CFAP52: variants seen among roughly 807,000 people sequenced by gnomAD.
CFAP52 encodes cilia and flagella associated protein 52.
Under a neutral mutation model 70.5 loss-of-function variants are expected in CFAP52, and 57 were observed. The observed-to-expected ratio is 0.81, with a 90% CI of 0.65 to 1.01. CFAP52 has a LOEUF of 1.01. Among genes scored for constraint, CFAP52 ranks in the 50% least tolerant of loss-of-function variants. CFAP52 has a pLI of 0.00. For missense variants in CFAP52, 785 were observed against 788.5 expected, an observed-to-expected ratio of 1.00 and a Z score of 0.05; for synonymous variants, 267 against 292.5, an observed-to-expected ratio of 0.91 and a Z score of 0.89.
intron 8 of CFAP52, among the ~76,000 whole-genome samples, chr17:9,625,259 G>A (rs1230134167): frequency 6.6e-6 from 1 of 151,210 alleles, no homozygotes; most frequent in Non-Finnish European, 1.5e-5. Context: ...TCTTCCTCTT[G>A]GTATTCCCCC....
chr17:9,590,313 A>G, intron 3 of CFAP52: 1 of 184,060 alleles, frequency 5.4e-6, no homozygotes. Context: ...CAGGGAATGG[A>G]CAGTCACAGG....
At chr17:9,578,531 A>G (rs942641410) in intron 1 of CFAP52, among the ~76,000 whole-genome samples, 6 of 152,202 alleles carry the variant, frequency 3.9e-5, no homozygotes, top group Non-Finnish European at 2.9e-5. Flanking sequence ...AGAAAAAGAA[A>G]AACCTTGTGG....
At chr17:9,641,287 C>T (rs1177163792) in intron 12 of CFAP52, among the ~76,000 whole-genome samples, 1 of 152,030 alleles carries the variant, frequency 6.6e-6, no homozygotes, top group Non-Finnish European at 1.5e-5. Flanking sequence ...GGGCGCAGTC[C>T]CAGTGGGAGG....
chr17:9,584,523 CTAAT>C (rs557746056), intron 1 of CFAP52, among the ~76,000 whole-genome samples: 85 of 152,286 alleles, frequency 5.6e-4, no homozygotes, highest in African/African-American at 1.9e-3. Context: ...TACGATCAAA[CTAAT>C]TAACATATTC....
chr17:9,601,230 G>C (rs1357708782), intron 6 of CFAP52, among the ~76,000 whole-genome samples: 1 of 142,842 alleles, frequency 7.0e-6, no homozygotes, highest in East Asian at 2.1e-4. Context: ...CATGGACCCG[G>C]GAAAGGGAAC....
intron 8 of CFAP52, among the ~76,000 whole-genome samples, chr17:9,616,695 A>AC (rs1022951483): frequency 7.4e-5 from 11 of 148,664 alleles, no homozygotes; most frequent in South Asian, 4.3e-4. Context: ...CTGACCCCTG[A>AC]CCCCCGGGCA....
At chr17:9,635,673 C>T (rs1422626255) in intron 11 of CFAP52, 117 bp downstream of exon 11, 1 of 1,320,660 alleles carries the variant, frequency 7.6e-7, no homozygotes, top group Non-Finnish European at 1.0e-6. Flanking sequence ...TAAGGCAACA[C>T]AGTAAAGGGA....
At position 9,578,420 on chromosome 17, in the gene CFAP52, C is replaced by T. The variant is rs544149483; in HGVS notation, c.70+1655C>T. Among the ~76,000 whole-genome samples the T allele has an allele frequency of 1.4e-4, 21 of 152,160 alleles. No homozygotes were observed. In the South Asian group the frequency reaches 1.5e-3, roughly 11 times the overall value. Reference sequence around the variant, plus strand: ...TGTCCAATCAAAATTGTTCTTATGGCGGGTTGAACAGGGCTTCAGTTAGTA... The same window carrying T: ...TGTCCAATCAAAATTGTTCTTATGGTGGGTTGAACAGGGCTTCAGTTAGTA... On this transcript the variant is annotated intron_variant, in intron 1 of 13. Coordinates refer to ENST00000352665, the MANE Select transcript of CFAP52 (RefSeq NM_145054.5).
At chr17:9,598,498 A>G (rs1012339297) in intron 5 of CFAP52, 165 bp downstream of exon 5, 20 of 522,914 alleles carry the variant, frequency 3.8e-5, no homozygotes, top group African/African-American at 5.8e-5. Context: ...GCAGTGGCTC[A>G]CGCCTGTAAT....
chr17:9,634,030 C>T (rs868394761), intron 10 of CFAP52, among the ~76,000 whole-genome samples: 6 of 152,246 alleles, frequency 3.9e-5, no homozygotes, highest in Middle Eastern at 3.4e-3. Flanking sequence ...TTATTAAATA[C>T]ACCCAGACGT....
At position 9,628,684 on chromosome 17, in the gene CFAP52, G is replaced by T; in HGVS notation, c.1038G>T (p.Glu346Asp). 1 of 1,613,956 alleles carries T rather than the reference G, an allele frequency of 6.2e-7. No individual in the cohort carries two copies. Among genetic ancestry groups the T allele is most frequent in the Non-Finnish European group, 8.5e-7 (1 of 1,179,896 alleles). ...GGCTTCCTTGCAGTGGCACTGCTGA[G>T]CTATTTGCAACCTGTGCCAAGAAGG... Reference protein sequence around the residue: ...EDIVFPFGTAELFATCAKKDI... With the variant: ...EDIVFPFGTADLFATCAKKDI... The change falls in exon 9 of 14, where the codon GAG becomes GAT. Residue 346 changes from glutamate to aspartate, a missense_variant. Physicochemically the swap from Glu to Asp is conservative, Grantham distance 45. Coordinates refer to ENST00000352665, the MANE Select transcript of CFAP52 (RefSeq NM_145054.5).
Position 9,585,782 on chromosome 17 carries a change from C to T in CFAP52, c.80C>T (p.Pro27Leu), listed in dbSNP as rs1216230659. 2.5e-6 allele frequency: 4 copies of T among 1,613,910 alleles called. No individual in the cohort carries two copies. Among genetic ancestry groups the T allele is most frequent in the South Asian group, 1.1e-5 (1 of 91,082 alleles). ...DAVIGFNGHVPTGLKCHPDQE... is the reference protein window; with the variant it reads ...DAVIGFNGHVLTGLKCHPDQE... ...AATCTCTCTCTTTTAGGACATGTGC[C>T]CACTGGTCTCAAATGCCATCCTGAC... The change falls in exon 2 of 14, where the codon CCC becomes CTC. Residue 27 changes from proline to leucine, a missense_variant. Transcript: ENST00000352665.
intron 1 of CFAP52, chr17:9,584,235 C>T (rs1278164158): frequency 1.6e-6 from 2 of 1,270,300 alleles, no homozygotes; most frequent in African/African-American, 1.5e-5. Context: ...TCAAGCAAAA[C>T]AATAATTACA....
At chr17:9,628,574 G>T in intron 8 of CFAP52, 98 bp from the exon 9 acceptor site, 1 of 1,495,104 alleles carries the variant, frequency 6.7e-7, no homozygotes, top group Non-Finnish European at 9.0e-7. Context: ...ACCGCGCCCA[G>T]CCTTTTCCTA....
At chr17:9,578,578 G>A (rs531377480) in intron 1 of CFAP52, among the ~76,000 whole-genome samples, 2 of 152,204 alleles carry the variant, frequency 1.3e-5, no homozygotes, top group African/African-American at 4.8e-5. Flanking sequence ...ATTTTGAGAC[G>A]GTGGAGTCTC....
intron 2 of CFAP52, among the ~76,000 whole-genome samples, chr17:9,586,219 T>G (rs967054413): frequency 1.4e-4 from 22 of 152,102 alleles, no homozygotes; most frequent in African/African-American, 5.3e-4. Context: ...CTTAAAGCTG[T>G]TTCCATTGTG....
chr17:9,600,235 G>A, intron 6 of CFAP52, 52 bp downstream of exon 6: 4 of 1,470,186 alleles, frequency 2.7e-6, no homozygotes, highest in Middle Eastern at 1.7e-4. Context: ...TTCACTGGCA[G>A]CATGTACTTT....
intron 8 of CFAP52, among the ~76,000 whole-genome samples, chr17:9,615,984 CG>C (rs1357886215): frequency 6.6e-6 from 1 of 151,238 alleles, no homozygotes; most frequent in Admixed American, 6.6e-5. Flanking sequence ...TATAGTTTTT[CG>C]GGGGGAGGAG....
intron 1 of CFAP52, among the ~76,000 whole-genome samples, chr17:9,585,488 G>GA (rs1202001611): frequency 3.9e-5 from 6 of 152,110 alleles, no homozygotes; most frequent in Non-Finnish European, 7.4e-5. Flanking sequence ...CCAACATGGT[G>GA]AAACCCCGTC....
Sources: allele counts gnomAD v4.1 joint callset (sites outside exome capture counted in the v4.1 genomes callset), GRCh38; gene constraint gnomAD v4.1.1; transcripts MANE v1.5; gene names NCBI Gene and HGNC (gene_info 2026-07-23, HGNC 2026-07-21).